The following TOGARAM1 variants were observed in gnomAD, a reference collection of about 807,000 sequenced individuals.
TOGARAM1 encodes TOG array regulator of axonemal microtubules 1, also known as TOG array regulator of axonemal microtubules protein 1.
TOGARAM1 carries 100 observed loss-of-function variants against 166.6 expected under a neutral mutation model. The ratio of observed to expected loss-of-function variants is 0.60; its 90% CI spans 0.51 to 0.71. TOGARAM1 has a LOEUF of 0.71. Ranked by LOEUF, TOGARAM1 falls within the 30% of genes least tolerant of loss-of-function variation. The pLI, the probability that TOGARAM1 is intolerant of heterozygous loss-of-function variation, is 0.00. For missense variants in TOGARAM1, 2,029 were observed against 2,102.7 expected (o/e 0.96, Z 0.69); for synonymous variants, 758 against 763.8 (o/e 0.99, Z 0.13).
intron 14 of TOGARAM1, among the ~76,000 whole-genome samples, chr14:45,051,604 G>GGCT (rs1296497209): frequency 7.3e-6 from 1 of 137,808 alleles, no homozygotes; most frequent in Non-Finnish European, 1.5e-5. Context: ...CTGTTGCCCA[G>GGCT]GCTGGAGTGC....
intron 7 of TOGARAM1, chr14:45,025,566 A>G: frequency 6.9e-6 from 2 of 289,836 alleles, no homozygotes; most frequent in Non-Finnish European, 1.3e-5. Context: ...TCCATCTCAA[A>G]AAAAAAAAAA....
At chr14:45,038,162 C>A (rs1881533831) in intron 11 of TOGARAM1, among the ~76,000 whole-genome samples, 1 of 152,204 alleles carries the variant, frequency 6.6e-6, no homozygotes, top group Non-Finnish European at 1.5e-5. Flanking sequence ...CCACCTCAGC[C>A]TTCCAAAGTG....
chr14:45,072,677 G>A (rs749763688), intron 19 of TOGARAM1, among the ~76,000 whole-genome samples: 3 of 151,902 alleles, frequency 2.0e-5, no homozygotes, highest in Admixed American at 6.6e-5. Flanking sequence ...CACCCACCTC[G>A]GCCTCTCAAA....
intron 15 of TOGARAM1, among the ~76,000 whole-genome samples, chr14:45,053,912 C>G (rs1272266324): frequency 6.6e-6 from 1 of 151,886 alleles, no homozygotes; most frequent in Non-Finnish European, 1.5e-5. Context: ...CAGAGTCATG[C>G]TCTGTCGCTC....
chr14:45,041,818 G>A (rs540817185), intron 11 of TOGARAM1, among the ~76,000 whole-genome samples: 1 of 152,332 alleles, frequency 6.6e-6, no homozygotes, highest in South Asian at 2.1e-4. Flanking sequence ...CTGAAGTGCA[G>A]TGGCACGATC....
At chr14:45,029,715 A>G (rs1881050475) in intron 10 of TOGARAM1, among the ~76,000 whole-genome samples, 1 of 152,210 alleles carries the variant, frequency 6.6e-6, no homozygotes, top group African/African-American at 2.4e-5. Flanking sequence ...ATACATACAG[A>G]CAATATTTAG....
intron 3 of TOGARAM1, among the ~76,000 whole-genome samples, chr14:44,999,842 A>G (rs1447784985): frequency 2.6e-5 from 4 of 152,140 alleles, no homozygotes; most frequent in African/African-American, 9.7e-5. Flanking sequence ...GATATGCATC[A>G]CCTGAAACAT....
intron 1 of TOGARAM1, among the ~76,000 whole-genome samples, chr14:44,994,952 T>C (rs1394163545): frequency 1.3e-5 from 2 of 152,228 alleles, no homozygotes; most frequent in Admixed American, 6.5e-5. Context: ...CAAATAAATA[T>C]ATAGGAAGCA....
intron 11 of TOGARAM1, among the ~76,000 whole-genome samples, chr14:45,038,263 C>T (rs898600861): frequency 6.6e-6 from 1 of 152,176 alleles, no homozygotes; most frequent in Non-Finnish European, 1.5e-5. Context: ...ACTATGCCAG[C>T]CAGAAACCTC....
intron 1 of TOGARAM1, among the ~76,000 whole-genome samples, chr14:44,973,318 C>T (rs908430474): frequency 6.6e-6 from 1 of 151,816 alleles, no homozygotes; most frequent in Non-Finnish European, 1.5e-5. Flanking sequence ...AATCCACGTT[C>T]ACTTTCAGTA....
intron 16 of TOGARAM1, among the ~76,000 whole-genome samples, chr14:45,063,915 CCTTT>C (rs1883022609): frequency 6.6e-6 from 1 of 152,180 alleles, no homozygotes; most frequent in African/African-American, 2.4e-5. Context: ...ATCTCTCCTT[CCTTT>C]GATATGTTAT....
chr14:45,052,531 T>G lies in TOGARAM1; in HGVS notation c.4409T>G (p.Ile1470Ser). 6.2e-7 allele frequency: 1 copy of G among 1,609,606 alleles called. No individual in the cohort carries two copies. The highest frequency in any genetic ancestry group is 8.5e-7 in the Non-Finnish European group (1 of 1,177,482). ...KYVPSKDLPY[I>S]KDSVRNLQQK... ...GTCCCATCTAAAGATTTGCCATATATTAAGGACTCTGTTAGAAACTTACAG... is the reference window on the plus strand; with the variant it reads ...GTCCCATCTAAAGATTTGCCATATAGTAAGGACTCTGTTAGAAACTTACAG... The change falls in exon 15 of 20, where the codon ATT becomes AGT. Residue 1470 changes from isoleucine (I) to serine (S), a missense_variant. By Grantham distance (142) the Ile-to-Ser change is moderately radical. Transcript: ENST00000361462.
At chr14:45,030,011 G>A (rs554707235) in intron 10 of TOGARAM1, among the ~76,000 whole-genome samples, 6 of 152,096 alleles carry the variant, frequency 3.9e-5, no homozygotes, top group Non-Finnish European at 7.4e-5. Context: ...TAGTCAAGAC[G>A]GGGTTTCACC....
intron 7 of TOGARAM1, among the ~76,000 whole-genome samples, chr14:45,013,474 G>T (rs955073738): frequency 6.6e-6 from 1 of 152,142 alleles, no homozygotes; most frequent in African/African-American, 2.4e-5. Context: ...CAAAGAGATA[G>T]CTGCACTTCT....
chr14:45,047,478 C>T (rs919017685), intron 14 of TOGARAM1, among the ~76,000 whole-genome samples: 6 of 151,418 alleles, frequency 4.0e-5, no homozygotes, highest in African/African-American at 1.5e-4. Flanking sequence ...AGTGTGAAAA[C>T]TACACAAATT....
chr14:44,987,191 G>A lies in TOGARAM1; in HGVS notation c.2047-8555G>A, dbSNP rs902120334. Reference sequence around the variant, plus strand: ...TCTGACCTCGTGATCTGCCCGCCTCGGCCTCCCAAAGTGCTGGGATTACAA... The same window carrying A: ...TCTGACCTCGTGATCTGCCCGCCTCAGCCTCCCAAAGTGCTGGGATTACAA... On this transcript the variant is annotated intron_variant, in intron 1 of 19. Coordinates refer to ENST00000361462, the MANE Select transcript of TOGARAM1 (RefSeq NM_001308120.2). Among the ~76,000 whole-genome samples the A allele has an allele frequency of 4.0e-5, 6 of 151,668 alleles. No individual in the cohort carries two copies. The East Asian group carries it at 9.8e-4, about 25-fold the overall frequency.
chr14:45,017,275 C>G (rs1366741223), intron 7 of TOGARAM1, among the ~76,000 whole-genome samples: 1 of 152,086 alleles, frequency 6.6e-6, no homozygotes, highest in African/African-American at 2.4e-5. Flanking sequence ...TAGGAGAACT[C>G]AAGGCTTTGT....
At chr14:45,047,406 G>A (rs61266871) in intron 14 of TOGARAM1, among the ~76,000 whole-genome samples, 16,418 of 147,750 alleles carry the variant, frequency 0.11, 2,723 homozygotes, top group African/African-American at 0.36. Context: ...AAAAAAAAAA[G>A]AAAGAAAAAT....
intron 11 of TOGARAM1, among the ~76,000 whole-genome samples, chr14:45,035,241 T>C (rs2138927197): frequency 6.6e-6 from 1 of 152,204 alleles, no homozygotes; most frequent in Non-Finnish European, 1.5e-5. Context: ...ACACCTGTAG[T>C]CCCAGCTACT....
Sources: allele counts gnomAD v4.1 joint callset (sites outside exome capture counted in the v4.1 genomes callset), GRCh38; gene constraint gnomAD v4.1.1; transcripts MANE v1.5; gene names NCBI Gene and HGNC (gene_info 2026-07-23, HGNC 2026-07-21).